The following DUSP22 variants were observed in gnomAD, a reference collection of about 807,000 sequenced individuals.
DUSP22 encodes dual specificity protein phosphatase 22.
DUSP22 carries 24 observed loss-of-function variants against 24.5 expected under a neutral mutation model. The ratio of observed to expected loss-of-function variants is 0.98; its 90% CI spans 0.71 to 1.38. The LOEUF is 1.38. Ranked by LOEUF, DUSP22 falls within the 40% of genes most tolerant of loss-of-function variation. DUSP22 has a pLI of 0.00. For synonymous variants in DUSP22, 160 were observed against 106.4 expected, an observed-to-expected ratio of 1.50 and a Z score of -3.10; for missense variants, 330 against 269.2, an observed-to-expected ratio of 1.23 and a Z score of -1.58.
intron 4 of DUSP22, among the ~76,000 whole-genome samples, chr6:341,854 C>T (rs1344278637): frequency 6.6e-6 from 1 of 152,308 alleles, no homozygotes; most frequent in Admixed American, 6.5e-5. Context: ...CACACGCCCA[C>T]TCGGCTCTCT....
intron 5 of DUSP22, 30 bp downstream of exon 5, chr6:345,958 T>G (rs1366006805): frequency 2.2e-5 from 36 of 1,612,052 alleles, no homozygotes; most frequent in Admixed American, 6.7e-5. Context: ...AATAGCGCCT[T>G]AGCGTATTCT....
intron 3 of DUSP22, among the ~76,000 whole-genome samples, chr6:312,966 ATT>A (rs5873738): frequency 9.1e-5 from 13 of 142,554 alleles, no homozygotes; most frequent in African/African-American, 2.3e-4. Flanking sequence ...TTAGCTCATA[ATT>A]TTTTTTTTTT....
chr6:300,290 G>A (rs1035424925), intron 1 of DUSP22, among the ~76,000 whole-genome samples: 5 of 152,428 alleles, frequency 3.3e-5, no homozygotes, highest in Admixed American at 2.0e-4. Flanking sequence ...CTTCGGGCTC[G>A]GGCTCAGGCT....
At chr6:323,772 C>A (rs1435783487) in intron 3 of DUSP22, among the ~76,000 whole-genome samples, 1 of 152,310 alleles carries the variant, frequency 6.6e-6, no homozygotes, top group African/African-American at 2.4e-5. Flanking sequence ...GTTCAAGGAT[C>A]ATTTCAGCTG....
chr6:307,736 A>C (rs1164161440), intron 2 of DUSP22, among the ~76,000 whole-genome samples: 1 of 152,308 alleles, frequency 6.6e-6, no homozygotes, highest in Non-Finnish European at 1.5e-5. Flanking sequence ...AATTCTAGAA[A>C]AGTGGGAACG....
Position 345,932 on chromosome 6 carries a change from C to T in DUSP22, c.263+4C>T, listed in dbSNP as rs373954135. On this transcript the variant is annotated splice_donor_region_variant and intron_variant, in intron 5 of 6. Coordinates refer to ENST00000419235, the MANE Select transcript of DUSP22 (RefSeq NM_001286555.3). ...GTGAGAGCTGCCTTGTACACTGGTACGTGTGTCTCTTGCTTAATAGCGCCT... is the reference window on the plus strand; with the variant it reads ...GTGAGAGCTGCCTTGTACACTGGTATGTGTGTCTCTTGCTTAATAGCGCCT... 24 of 1,614,026 alleles carry T rather than the reference C, an allele frequency of 1.5e-5. No individual in the cohort carries two copies. Among genetic ancestry groups the T allele is most frequent in the East Asian group, 4.5e-5 (2 of 44,900 alleles).
chr6:343,821 C>T (rs925471238), intron 4 of DUSP22, among the ~76,000 whole-genome samples: 64 of 152,332 alleles, frequency 4.2e-4, no homozygotes, highest in African/African-American at 1.4e-3. Flanking sequence ...TTTGTTAGGC[C>T]GTGCCTGAAT....
At chr6:302,352 C>G (rs1456910955) in intron 1 of DUSP22, among the ~76,000 whole-genome samples, 1 of 152,310 alleles carries the variant, frequency 6.6e-6, no homozygotes, top group Non-Finnish European at 1.5e-5. Context: ...CTGTGCAGGA[C>G]CAGCTCCTTG....
chr6:327,288 C>A (rs1295096573), intron 3 of DUSP22, among the ~76,000 whole-genome samples: 1 of 152,306 alleles, frequency 6.6e-6, no homozygotes, highest in Non-Finnish European at 1.5e-5. Context: ...TGTGTGGGAG[C>A]GTGCACTCAC....
chr6:325,620 T>G (rs5029711), intron 3 of DUSP22: 13 of 201,870 alleles, frequency 6.4e-5, no homozygotes, highest in South Asian at 1.3e-4. Context: ...CTGTATCTGC[T>G]GGTGCCTGGA....
chr6:336,405 A>G (rs1433622380), intron 4 of DUSP22, among the ~76,000 whole-genome samples: 2 of 152,310 alleles, frequency 1.3e-5, no homozygotes, highest in Non-Finnish European at 2.9e-5. Context: ...TCAGGAGTGC[A>G]GACCATGTGC....
At chr6:308,161 T>A (rs1269070514) in intron 2 of DUSP22, among the ~76,000 whole-genome samples, 6 of 152,294 alleles carry the variant, frequency 3.9e-5, no homozygotes, top group Admixed American at 1.3e-4. Context: ...GGGGTCTACT[T>A]GATGCTCTGC....
At chr6:314,505 T>A (rs1278911147) in intron 3 of DUSP22, among the ~76,000 whole-genome samples, 1 of 152,306 alleles carries the variant, frequency 6.6e-6, no homozygotes, top group Non-Finnish European at 1.5e-5. Flanking sequence ...TTACTTAGCA[T>A]CAGTTACAAA....
Position 349,676 on chromosome 6 carries a change from A to C in DUSP22, c.*725A>C, listed in dbSNP as rs1021072700. On this transcript the variant is annotated 3_prime_UTR_variant, in exon 7 of 7. Coordinates refer to ENST00000419235, the MANE Select transcript of DUSP22 (RefSeq NM_001286555.3). ...TCCAGTGGGCCAGCACTTTATACCAACTCAGCATTTAAGGGAAGTATCTTA... is the reference window on the plus strand; with the variant it reads ...TCCAGTGGGCCAGCACTTTATACCACCTCAGCATTTAAGGGAAGTATCTTA... 1 of 986,122 alleles carries C rather than the reference A, an allele frequency of 1.0e-6. No individual in the cohort carries two copies. The highest frequency in any genetic ancestry group is 1.2e-6 in the Non-Finnish European group (1 of 830,376). 61.1% of individuals were successfully genotyped at this position (986,122 alleles called of 1,614,324 possible). A position where few individuals can be genotyped will look rare whatever the true frequency, so the allele number is the denominator to read the frequency against.
chr6:342,933 C>A (rs570293288), intron 4 of DUSP22, among the ~76,000 whole-genome samples: 15 of 152,308 alleles, frequency 9.8e-5, no homozygotes, highest in African/African-American at 3.6e-4. Flanking sequence ...CTCTGCCAAC[C>A]GCAGACGGCT....
intron 4 of DUSP22, among the ~76,000 whole-genome samples, chr6:341,699 C>T (rs923456063): frequency 4.6e-5 from 7 of 152,424 alleles, no homozygotes; most frequent in Non-Finnish European, 7.3e-5. Context: ...ACAAGGGCTA[C>T]GCAGCCCAGG....
chr6:345,334 C>T (rs1470483913), intron 4 of DUSP22, among the ~76,000 whole-genome samples: 5 of 152,282 alleles, frequency 3.3e-5, no homozygotes, highest in African/African-American at 1.2e-4. Flanking sequence ...CTCAGCCTCC[C>T]TGGTAGCTGG....
At chr6:293,251 C>T (rs1287752688) in intron 1 of DUSP22, among the ~76,000 whole-genome samples, 1 of 152,292 alleles carries the variant, frequency 6.6e-6, no homozygotes, top group Non-Finnish European at 1.5e-5. Context: ...TTGTTGCCCG[C>T]ACCTCACTTC....
At chr6:299,009 A>G (rs931698955) in intron 1 of DUSP22, among the ~76,000 whole-genome samples, 4 of 152,306 alleles carry the variant, frequency 2.6e-5, no homozygotes, top group Admixed American at 2.0e-4. Flanking sequence ...GGAAATGGTC[A>G]TCTTGTGGGA....
Sources: allele counts gnomAD v4.1 joint callset (sites outside exome capture counted in the v4.1 genomes callset), GRCh38; gene constraint gnomAD v4.1.1; transcripts MANE v1.5; gene names NCBI Gene and HGNC (gene_info 2026-07-23, HGNC 2026-07-21).